GRIK4: variants seen among roughly 807,000 people sequenced by gnomAD.
The protein encoded by GRIK4 is glutamate receptor ionotropic, kainate 4.
A neutral mutation model predicts 104.9 loss-of-function variants in GRIK4; 40 were observed. The ratio of observed to expected loss-of-function variants is 0.38; its 90% CI spans 0.30 to 0.50. The LOEUF is 0.50. Ranked by LOEUF, GRIK4 falls within the 20% of genes least tolerant of loss-of-function variation. The pLI, the probability that GRIK4 is intolerant of heterozygous loss-of-function variation, is 0.93. For synonymous variants in GRIK4, 485 were observed against 524.9 expected (o/e 0.92, Z 1.04); for missense variants, 1,047 against 1,308.1 (o/e 0.80, Z 3.08).
intron 18 of GRIK4, 97 bp downstream of exon 18, chr11:120,962,778 G>A (rs2134735913): frequency 4.0e-6 from 3 of 757,306 alleles, no homozygotes; most frequent in South Asian, 3.6e-5. Context: ...AGTACCCCCT[G>A]TTGTTAGAAC....
chr11:120,579,447 G>A (rs1372734582), intron 1 of GRIK4, among the ~76,000 whole-genome samples: 1 of 152,212 alleles, frequency 6.6e-6, no homozygotes, highest in Non-Finnish European at 1.5e-5. Context: ...GGCCAGGGTG[G>A]ACATAGGGGT....
chr11:120,715,349 C>A (rs1027049802), intron 3 of GRIK4, among the ~76,000 whole-genome samples: 1 of 152,150 alleles, frequency 6.6e-6, no homozygotes, highest in African/African-American at 2.4e-5. Context: ...GAATCACAGA[C>A]CTGTTTGAGC....
chr11:120,641,837 A>G (rs886697903), intron 1 of GRIK4, among the ~76,000 whole-genome samples: 1 of 152,212 alleles, frequency 6.6e-6, no homozygotes, highest in Admixed American at 6.5e-5. Flanking sequence ...GCAGCCCAGT[A>G]GGTCTCAGCC....
At chr11:120,702,309 A>G (rs571288809) in intron 3 of GRIK4, among the ~76,000 whole-genome samples, 48 of 152,216 alleles carry the variant, frequency 3.2e-4, no homozygotes, top group African/African-American at 1.1e-3. Context: ...TTGCTGCAGT[A>G]GGGAAGGAGG....
chr11:120,892,216 A>T (rs1048211020), intron 11 of GRIK4, among the ~76,000 whole-genome samples: 1 of 152,184 alleles, frequency 6.6e-6, no homozygotes, highest in Non-Finnish European at 1.5e-5. Flanking sequence ...GCTGCAGCAC[A>T]GGTAAAGCTG....
In GRIK4 at chr11:120,872,239, A is replaced by G. The variant is rs182592206; in HGVS notation, c.907-1827A>G. ...GTAACAGAAATTGTTGCTCACTTGG[A>G]GGGATTCACATGCCTGGGATCACTC... On this transcript the variant is annotated intron_variant, in intron 9 of 20. Coordinates refer to ENST00000527524, the MANE Select transcript of GRIK4 (RefSeq NM_014619.5). 1.6e-4 allele frequency: 49 copies of G among 301,124 alleles called. 1 individual carries two copies. Among genetic ancestry groups the G allele is most frequent in the African/African-American group, 9.5e-4 (44 of 46,194 alleles). 18.7% of individuals were successfully genotyped at this position (301,124 alleles called of 1,614,324 possible).
At chr11:120,691,949 C>T (rs1474500331) in intron 3 of GRIK4, among the ~76,000 whole-genome samples, 3 of 152,212 alleles carry the variant, frequency 2.0e-5, no homozygotes, top group African/African-American at 7.2e-5. Flanking sequence ...CTGCCCCAGT[C>T]CTTTGCTGCG....
chr11:120,784,769 C>T (rs1483425363), intron 3 of GRIK4, among the ~76,000 whole-genome samples: 2 of 152,054 alleles, frequency 1.3e-5, no homozygotes, highest in Non-Finnish European at 2.9e-5. Context: ...TGCCAGGCAC[C>T]TAGCTTGTGA....
In GRIK4 at chr11:120,953,092, A is replaced by T; in HGVS notation, c.1700+128A>T. ...TGGGAAGATCTTGGTGCCAAACTAGAAGGACAGGAGAAGGACTGGGGGCCT... is the reference window on the plus strand; with the variant it reads ...TGGGAAGATCTTGGTGCCAAACTAGTAGGACAGGAGAAGGACTGGGGGCCT... On this transcript the variant is annotated intron_variant, in intron 15 of 20. Transcript: ENST00000527524. This position sits in a 1 kb window ranked among gnomAD's most constrained non-coding sequence, Gnocchi z 4.9. 2 of 652,730 alleles carry T rather than the reference A, an allele frequency of 3.1e-6. No homozygotes were observed. Among genetic ancestry groups the T allele is most frequent in the Non-Finnish European group, 5.4e-6 (2 of 369,342 alleles). 40.4% of individuals were successfully genotyped at this position (652,730 alleles called of 1,614,324 possible).
chr11:120,833,774 G>A (rs543041343), intron 7 of GRIK4, among the ~76,000 whole-genome samples: 65 of 151,442 alleles, frequency 4.3e-4, no homozygotes, highest in African/African-American at 1.4e-3. Context: ...AAATTTTGAT[G>A]TCTGTTTTTT....
intron 3 of GRIK4, among the ~76,000 whole-genome samples, chr11:120,744,248 C>T (rs1045601451): frequency 1.3e-4 from 20 of 152,206 alleles, no homozygotes; most frequent in African/African-American, 3.6e-4. Flanking sequence ...CAGACTCTGC[C>T]GCAAACAGCT....
chr11:120,573,712 G>A (rs1037770497), intron 1 of GRIK4, among the ~76,000 whole-genome samples: 7 of 152,204 alleles, frequency 4.6e-5, no homozygotes, highest in African/African-American at 1.7e-4. Flanking sequence ...GAGTCAGCAG[G>A]TGCTGGTCCT....
chr11:120,796,981 C>T (rs573138101), intron 3 of GRIK4, among the ~76,000 whole-genome samples: 10 of 152,128 alleles, frequency 6.6e-5, no homozygotes, highest in Admixed American at 2.0e-4. Flanking sequence ...TCAAGGGGCT[C>T]CCCTTTTCTT....
rs1039973847 is a variant in GRIK4, at chr11:120,974,151, G to GC, written c.2395+6834dup. On this transcript the variant is annotated intron_variant, in intron 19 of 20. Coordinates refer to ENST00000527524, the MANE Select transcript of GRIK4 (RefSeq NM_014619.5). ...TCGAACTCCTGACCTCAAGTGATCT[G>GC]CCCCCCTTGGCCTCCCAAAGTGCCG... Among the ~76,000 whole-genome samples, 32 of 152,114 alleles carry GC rather than the reference G, an allele frequency of 2.1e-4. 1 individual carries two copies. The highest frequency in any genetic ancestry group is 3.9e-4 in the East Asian group (2 of 5,172).
At chr11:120,659,724 G>T (rs907492865) in intron 2 of GRIK4, among the ~76,000 whole-genome samples, 1 of 152,128 alleles carries the variant, frequency 6.6e-6, no homozygotes, top group African/African-American at 2.4e-5. Context: ...ATTCCTTAAG[G>T]GCAGATGAGG....
At chr11:120,718,155 T>C (rs1950868963) in intron 3 of GRIK4, among the ~76,000 whole-genome samples, 1 of 152,116 alleles carries the variant, frequency 6.6e-6, no homozygotes, top group Non-Finnish European at 1.5e-5. Context: ...TTCCAGGGTG[T>C]TCCTCCCTCT....
chr11:120,746,344 A>G (rs1951437913), intron 3 of GRIK4, among the ~76,000 whole-genome samples: 2 of 152,194 alleles, frequency 1.3e-5, no homozygotes, highest in South Asian at 4.1e-4. Context: ...AGGGAGGTAC[A>G]ACTGTGTAAG....
At chr11:120,909,030 G>A (rs555895661) in intron 13 of GRIK4, among the ~76,000 whole-genome samples, 13 of 152,344 alleles carry the variant, frequency 8.5e-5, no homozygotes, top group East Asian at 7.7e-4. Flanking sequence ...CTGGAGGCTC[G>A]AGGACAGGGT....
chr11:120,550,537 A>G (rs1373488001), intron 1 of GRIK4, among the ~76,000 whole-genome samples: 1 of 152,008 alleles, frequency 6.6e-6, no homozygotes, highest in African/African-American at 2.4e-5. Flanking sequence ...GAGGGGATAC[A>G]GATATTGAGG....
Sources: gnomAD v4.1 joint callset for allele counts (sites outside exome capture counted in the v4.1 genomes callset) on GRCh38, gnomAD v4.1.1 for gene constraint, Gnocchi (gnomAD v3.1) non-coding constraint, MANE v1.5 for transcripts, NCBI Gene and HGNC (gene_info 2026-07-23, HGNC 2026-07-21) for gene names.